MICU3: variants seen among roughly 807,000 people sequenced by gnomAD.
MICU3 encodes the protein mitochondrial calcium uptake 3.
A neutral mutation model predicts 66.5 loss-of-function variants in MICU3; 62 were observed. That is an observed-to-expected ratio of 0.93 (90% CI 0.76 to 1.15). The LOEUF is 1.15. MICU3 is among the 50% of genes most tolerant of loss of function. The probability of loss-of-function intolerance (pLI) is 0.00; values close to 1 mark genes in which losing one functional copy is unlikely to be tolerated. For missense variants in MICU3, 779 were observed against 664.4 expected, an observed-to-expected ratio of 1.17 and a Z score of -1.90; for synonymous variants, 308 against 240.7, an observed-to-expected ratio of 1.28 and a Z score of -2.59.
chr8:17,104,345 G>T lies in MICU3; in HGVS notation c.985-46G>T, dbSNP rs200367724. The T allele has an allele frequency of 4.9e-4, 489 of 991,060 alleles. 2 individuals carry two copies. In the East Asian group the frequency reaches 0.013, roughly 27 times the overall value. The allele number at this position is 991,060 out of a possible 1,614,324, so 61.4% of individuals were successfully genotyped here. On this transcript the variant is annotated intron_variant, in intron 9 of 14. Transcript: ENST00000318063. ...GAGAAATATTGGGTATCCCTATTCT[G>T]TTTCTTTTATTGAAGCTAACTTTTA...
At chr8:17,037,460 G>A (rs1414955993) in intron 1 of MICU3, among the ~76,000 whole-genome samples, 4 of 152,202 alleles carry the variant, frequency 2.6e-5, no homozygotes, top group African/African-American at 9.7e-5. Flanking sequence ...TAGAGCTCAG[G>A]CCATTGCTTC....
chr8:17,072,552 A>G (rs1363466148), intron 3 of MICU3, among the ~76,000 whole-genome samples: 2 of 152,150 alleles, frequency 1.3e-5, no homozygotes, highest in Non-Finnish European at 2.9e-5. Context: ...AACACAGTGT[A>G]AACAATGTTA....
chr8:17,054,382 T>G (rs1457635487), intron 1 of MICU3, among the ~76,000 whole-genome samples: 2 of 152,216 alleles, frequency 1.3e-5, no homozygotes, highest in African/African-American at 4.8e-5. Context: ...AACTTAAGTT[T>G]ATATACATAT....
intron 1 of MICU3, among the ~76,000 whole-genome samples, chr8:17,059,820 C>G (rs764549914): frequency 7.9e-5 from 12 of 152,128 alleles, no homozygotes; most frequent in Non-Finnish European, 1.2e-4. Context: ...AACTACAAAA[C>G]TTTATTAAAA....
chr8:17,045,186 G>C (rs1814852264), intron 1 of MICU3, among the ~76,000 whole-genome samples: 1 of 152,106 alleles, frequency 6.6e-6, no homozygotes, highest in African/African-American at 2.4e-5. Flanking sequence ...GATGTTATGA[G>C]GTAGATAGAT....
At chr8:17,089,893 TAAATC>T (rs915918848) in intron 7 of MICU3, among the ~76,000 whole-genome samples, 2 of 152,108 alleles carry the variant, frequency 1.3e-5, no homozygotes, top group East Asian at 3.9e-4. Context: ...AAATAAAAAT[TAAATC>T]AAAACTAAAG....
At chr8:17,125,937 G>A (rs1803393557), downstream of MICU3, among the ~76,000 whole-genome samples, 1 of 151,504 alleles carries the variant, frequency 6.6e-6, no homozygotes, top group Non-Finnish European at 1.5e-5. Flanking sequence ...GGCTGAGGCA[G>A]GAGAATCACT....
rs992307972 is a variant in MICU3 at position 17,079,590 on chromosome 8, G to A, written c.646+1729G>A. ...CAGGGTCTCATTTTGTCACCCAGGC[G>A]GGAGTGCAGTGGTGCCATCATGGCT... On this transcript the variant is annotated intron_variant, in intron 4 of 14. Transcript: ENST00000318063. 4.0e-5 allele frequency among the ~76,000 whole-genome samples: 6 copies of A among 151,726 alleles called. No homozygotes were observed. The East Asian group carries it at 7.8e-4, about 20-fold the overall frequency.
chr8:17,036,279 A>G (rs1372255536), intron 1 of MICU3, among the ~76,000 whole-genome samples: 2 of 152,142 alleles, frequency 1.3e-5, no homozygotes, highest in Admixed American at 1.3e-4. Context: ...GTGAAGCTGC[A>G]GATCTTCGCT....
chr8:17,125,720 C>G (rs918058614), downstream of MICU3, among the ~76,000 whole-genome samples: 2 of 152,080 alleles, frequency 1.3e-5, no homozygotes, highest in African/African-American at 2.4e-5. Context: ...TCAATCCTCT[C>G]TTCTCCTTGT....
At position 17,027,576 on chromosome 8, in the gene MICU3, C is replaced by T; in HGVS notation, c.297C>T (p.Pro99=). The T allele has an allele frequency of 4.7e-6, 6 of 1,289,254 alleles. No individual in the cohort carries two copies. Among genetic ancestry groups the T allele is most frequent in the Non-Finnish European group, 5.9e-6 (6 of 1,021,766 alleles). 79.9% of individuals were successfully genotyped at this position (1,289,254 alleles called of 1,614,324 possible). A position where few individuals can be genotyped will look rare whatever the true frequency, so the allele number is the denominator to read the frequency against. ...PRAGSPATGR[P]SKSAATEPED... ...CCGGCTCGCCGGCGACCGGGCGACC[C>T]TCAAAGAGCGCGGCCACGGAGCCCG... The change falls in exon 1 of 15, where the codon CCC becomes CCT. Residue 99 remains proline (P), a synonymous_variant. Coordinates refer to ENST00000318063, the MANE Select transcript of MICU3 (RefSeq NM_181723.3).
Position 17,116,460 on chromosome 8 carries a change from G to A in MICU3, c.1384G>A (p.Val462Ile), listed in dbSNP as rs182707903. The stretch of plus-strand genomic sequence containing the variant: ...TTATCTAGATGAATTTAAACGTGCC[G>A]TCTATGTAGCTACTGGACTCAAATT... ...SIGQDEFKRA[V>I]YVATGLKFSP... The change falls in exon 13 of 15, where the codon GTC becomes ATC. Residue 462 changes from valine to isoleucine, a missense_variant. Val to Ile is a conservative substitution (Grantham distance 29, BLOSUM62 3). Coordinates refer to ENST00000318063, the MANE Select transcript of MICU3 (RefSeq NM_181723.3). The A allele has an allele frequency of 4.7e-5, 70 of 1,500,400 alleles. No homozygotes were observed. In the African/African-American group the frequency reaches 5.0e-4, roughly 11 times the overall value. 92.9% of individuals were successfully genotyped at this position (1,500,400 alleles called of 1,614,324 possible).
chr8:17,111,748 T>G (rs556431885), intron 11 of MICU3, among the ~76,000 whole-genome samples: 75 of 152,312 alleles, frequency 4.9e-4, no homozygotes, highest in African/African-American at 1.7e-3. Flanking sequence ...TATCCAGTTG[T>G]CATAGCACCA....
chr8:17,096,767 G>A (rs1448146758), intron 8 of MICU3, among the ~76,000 whole-genome samples: 1 of 151,704 alleles, frequency 6.6e-6, no homozygotes, highest in African/African-American at 2.4e-5. Context: ...AATTTGAAAA[G>A]TTGTATATTA....
chr8:17,033,672 C>T (rs371883038), intron 1 of MICU3, among the ~76,000 whole-genome samples: 191 of 152,206 alleles, frequency 1.3e-3, no homozygotes, highest in African/African-American at 3.9e-3. Context: ...GTCCTGACTT[C>T]GTGATTTGCC....
chr8:17,080,523 CCTTTTCTCGCCCCTT>C (rs1380632847), intron 4 of MICU3, among the ~76,000 whole-genome samples: 13 of 152,214 alleles, frequency 8.5e-5, no homozygotes, highest in Middle Eastern at 3.4e-3. Context: ...CATCCCATTT[CCTTTTCTCGCCCCTT>C]CTTTTATGCT....
chr8:17,110,760 G>T (rs1802131303), intron 11 of MICU3, among the ~76,000 whole-genome samples: 2 of 150,146 alleles, frequency 1.3e-5, no homozygotes, highest in Non-Finnish European at 3.0e-5. Context: ...TAGAGACAGG[G>T]TTTTTTTTTG....
chr8:17,093,302 G>A lies in MICU3; in HGVS notation c.888+2718G>A, dbSNP rs2150770977. 1.3e-5 allele frequency among the ~76,000 whole-genome samples: 2 copies of A among 152,000 alleles called. 1 individual carries two copies. Among genetic ancestry groups the A allele is most frequent in the South Asian group, 4.2e-4 (2 of 4,814 alleles). Reference sequence around the variant, plus strand: ...CATGTATTAGAGGATTTTTTTAGAAGATTATTCTAAATTCTCCTAGTTTCA... The same window carrying A: ...CATGTATTAGAGGATTTTTTTAGAAAATTATTCTAAATTCTCCTAGTTTCA... On this transcript the variant is annotated intron_variant, in intron 8 of 14. Coordinates refer to ENST00000318063, the MANE Select transcript of MICU3 (RefSeq NM_181723.3).
chr8:17,060,323 G>C (rs1053944368), intron 1 of MICU3, among the ~76,000 whole-genome samples: 1 of 150,752 alleles, frequency 6.6e-6, no homozygotes, highest in Non-Finnish European at 1.5e-5. Context: ...TTGAGACAGA[G>C]TCTCGTGCTG....
Sources: allele counts gnomAD v4.1 joint callset (sites outside exome capture counted in the v4.1 genomes callset), GRCh38; gene constraint gnomAD v4.1.1; transcripts MANE v1.5; gene names NCBI Gene and HGNC (gene_info 2026-07-23, HGNC 2026-07-21).